The following ANKS1B variants were observed in gnomAD, a reference collection of about 807,000 sequenced individuals.
ANKS1B encodes the protein ankyrin repeat and sterile alpha motif domain containing 1B.
ANKS1B carries 36 observed loss-of-function variants against 148.3 expected under a neutral mutation model. That is an observed-to-expected ratio of 0.24 (90% confidence interval 0.19 to 0.32). The LOEUF (loss-of-function observed/expected upper bound fraction) is 0.32. ANKS1B is among the 10% of genes least tolerant of loss of function. ANKS1B has a pLI of 1.00. For synonymous variants in ANKS1B, 542 were observed against 560.8 expected, an observed-to-expected ratio of 0.97 and a Z score of 0.47; for missense variants, 1,157 against 1,542.6, an observed-to-expected ratio of 0.75 and a Z score of 4.19.
chr12:99,161,783 A>G (rs2076683308), intron 14 of ANKS1B, among the ~76,000 whole-genome samples: 1 of 152,184 alleles, frequency 6.6e-6, no homozygotes, highest in Non-Finnish European at 1.5e-5. Flanking sequence ...ATTGTCAAAA[A>G]CAATAGAGCA....
chr12:99,898,467 T>A (rs1035301350), intron 1 of ANKS1B, among the ~76,000 whole-genome samples: 3 of 152,194 alleles, frequency 2.0e-5, no homozygotes, highest in Admixed American at 6.5e-5. Flanking sequence ...TTATAATAGA[T>A]GAATTTATAG....
At chr12:99,052,114 C>T (rs113984759) in intron 17 of ANKS1B, among the ~76,000 whole-genome samples, 1,726 of 152,246 alleles carry the variant, frequency 0.011, 46 homozygotes, top group East Asian at 0.094. Flanking sequence ...ATGCCAAATA[C>T]AATTCAAATG....
At chr12:98,841,674 CA>C (rs1356697427) in intron 17 of ANKS1B, among the ~76,000 whole-genome samples, 1 of 151,060 alleles carries the variant, frequency 6.6e-6, no homozygotes, top group Non-Finnish European at 1.5e-5. Flanking sequence ...CGTATGGAGG[CA>C]AAAAGGATGT....
intron 16 of ANKS1B, among the ~76,000 whole-genome samples, chr12:99,068,168 A>C (rs1264267242): frequency 1.3e-5 from 2 of 152,234 alleles, no homozygotes; most frequent in Non-Finnish European, 2.9e-5. Context: ...TAAAGTTCCT[A>C]CCTTCCAGGA....
intron 17 of ANKS1B, among the ~76,000 whole-genome samples, chr12:99,011,841 T>C (rs1199840128): frequency 2.0e-5 from 3 of 152,170 alleles, no homozygotes; most frequent in African/African-American, 7.2e-5. Context: ...AATATGTAAA[T>C]ACTACAAAAA....
chr12:98,776,354 T>C (rs1478073842), intron 24 of ANKS1B, among the ~76,000 whole-genome samples: 1 of 152,254 alleles, frequency 6.6e-6, no homozygotes, highest in Non-Finnish European at 1.5e-5. Context: ...AAAACTGGAC[T>C]CCTCACATGT....
At chr12:99,228,225 C>T (rs1423547401) in intron 14 of ANKS1B, among the ~76,000 whole-genome samples, 1 of 152,078 alleles carries the variant, frequency 6.6e-6, no homozygotes, top group African/African-American at 2.4e-5. Flanking sequence ...GAGTAGCAAT[C>T]AGATCTCTGA....
intron 1 of ANKS1B, among the ~76,000 whole-genome samples, chr12:99,850,038 A>G (rs1374672869): frequency 6.6e-6 from 1 of 152,162 alleles, no homozygotes; most frequent in East Asian, 1.9e-4. Flanking sequence ...GTGAAAAATT[A>G]TAGAATTGGA....
intron 12 of ANKS1B, among the ~76,000 whole-genome samples, chr12:99,328,526 C>T (rs1179218683): frequency 2.0e-5 from 3 of 151,904 alleles, no homozygotes; most frequent in Admixed American, 6.6e-5. Context: ...CTTGCCTCAA[C>T]AGCAGGAAAT....
At chr12:99,895,449 G>C (rs34166947) in intron 1 of ANKS1B, among the ~76,000 whole-genome samples, 9,679 of 150,412 alleles carry the variant, frequency 0.064, 672 homozygotes, top group Middle Eastern at 0.15. Context: ...GTGTCCTTTC[G>C]ATTCTATTTC....
intron 9 of ANKS1B, among the ~76,000 whole-genome samples, chr12:99,531,574 G>C (rs2096991325): frequency 6.6e-6 from 1 of 152,140 alleles, no homozygotes; most frequent in Non-Finnish European, 1.5e-5. Flanking sequence ...GCATTCCATG[G>C]TATATATACC....
At chr12:99,730,227 T>G (rs2059001147) in intron 8 of ANKS1B, among the ~76,000 whole-genome samples, 1 of 152,236 alleles carries the variant, frequency 6.6e-6, no homozygotes, top group African/African-American at 2.4e-5. Context: ...AGATTTGCTC[T>G]GTTGAGGAGC....
chr12:99,314,750 C>G (rs186579941), intron 12 of ANKS1B, among the ~76,000 whole-genome samples: 2 of 152,222 alleles, frequency 1.3e-5, no homozygotes, highest in Middle Eastern at 3.4e-3. Context: ...TTCCTTATAC[C>G]TTTTATAAAA....
intron 8 of ANKS1B, among the ~76,000 whole-genome samples, chr12:99,758,634 G>A (rs989270028): frequency 6.6e-6 from 1 of 151,806 alleles, no homozygotes; most frequent in Non-Finnish European, 1.5e-5. Context: ...TTTCAGATGA[G>A]AAATCTAAAG....
intron 14 of ANKS1B, among the ~76,000 whole-genome samples, chr12:99,167,548 A>G (rs2077310733): frequency 6.6e-6 from 1 of 152,206 alleles, no homozygotes; most frequent in Non-Finnish European, 1.5e-5. Context: ...TAGAATGTCT[A>G]AAATCATTGC....
chr12:98,941,587 T>C (rs1247239454), intron 17 of ANKS1B, among the ~76,000 whole-genome samples: 1 of 152,122 alleles, frequency 6.6e-6, no homozygotes, highest in Non-Finnish European at 1.5e-5. Context: ...TTTTAGCAAG[T>C]AGGGGAATTT....
At chr12:99,391,715 A>C (rs902868611) in intron 12 of ANKS1B, among the ~76,000 whole-genome samples, 1 of 152,208 alleles carries the variant, frequency 6.6e-6, no homozygotes, top group Admixed American at 6.5e-5. Flanking sequence ...TATTTTCATA[A>C]TTTTAAGTGC....
At chr12:99,134,145 A>T (rs2067096062) in intron 15 of ANKS1B, among the ~76,000 whole-genome samples, 1 of 152,192 alleles carries the variant, frequency 6.6e-6, no homozygotes, top group Non-Finnish European at 1.5e-5. Flanking sequence ...CTCACTTGGT[A>T]TCATCTAATG....
At chr12:99,553,412 CATT>C (rs1412245108) in intron 9 of ANKS1B, among the ~76,000 whole-genome samples, 1 of 151,368 alleles carries the variant, frequency 6.6e-6, no homozygotes, top group Non-Finnish European at 1.5e-5. Flanking sequence ...CTGGAATCAT[CATT>C]ATTAATACTG....
Sources: allele counts gnomAD v4.1 joint callset (sites outside exome capture counted in the v4.1 genomes callset), GRCh38; gene constraint gnomAD v4.1.1; transcripts MANE v1.5; gene names NCBI Gene and HGNC (gene_info 2026-07-23, HGNC 2026-07-21).